The following NEK11 variants were observed in gnomAD, a reference collection of about 807,000 sequenced individuals.
The protein encoded by NEK11 is serine/threonine-protein kinase Nek11.
A neutral mutation model predicts 80.7 loss-of-function variants in NEK11; 72 were observed. That is an observed-to-expected ratio of 0.89 (90% CI 0.74 to 1.08). The LOEUF (loss-of-function observed/expected upper bound fraction) is 1.08, where lower values mean the gene tolerates loss of function less well. Among genes scored for constraint, NEK11 ranks in the 50% least tolerant of loss-of-function variants. The probability of loss-of-function intolerance (pLI) is 0.00; values close to 1 mark genes in which losing one functional copy is unlikely to be tolerated. For missense variants in NEK11, 764 were observed against 763.6 expected (o/e 1.00, Z -0.01); for synonymous variants, 251 against 260.7 (o/e 0.96, Z 0.36).
chr3:131,230,638 C>T (rs1012950947), intron 15 of NEK11, among the ~76,000 whole-genome samples: 64 of 152,070 alleles, frequency 4.2e-4, no homozygotes, highest in African/African-American at 1.5e-3. Flanking sequence ...AAAATTCCTT[C>T]TTATTAGTCT....
chr3:131,106,496 A>T (rs1401386193), intron 4 of NEK11, among the ~76,000 whole-genome samples: 1 of 152,158 alleles, frequency 6.6e-6, no homozygotes, highest in African/African-American at 2.4e-5. Context: ...TAGAGATAAC[A>T]TGAACTTATT....
intron 16 of NEK11, among the ~76,000 whole-genome samples, chr3:131,252,634 G>A (rs2095729840): frequency 6.6e-6 from 1 of 152,062 alleles, no homozygotes; most frequent in African/African-American, 2.4e-5. Context: ...CTCCTTTATA[G>A]CATCAAGGTC....
chr3:131,254,415 G>A (rs568744174), intron 16 of NEK11, among the ~76,000 whole-genome samples: 2 of 152,298 alleles, frequency 1.3e-5, no homozygotes, highest in East Asian at 3.9e-4. Flanking sequence ...GCTTAAGCAA[G>A]GGAAGTTTCT....
chr3:131,129,554 A>G (rs1016166621), intron 5 of NEK11, among the ~76,000 whole-genome samples: 8 of 152,180 alleles, frequency 5.3e-5, no homozygotes, highest in Non-Finnish European at 1.2e-4. Flanking sequence ...ATTTTATCAC[A>G]TATTATTTTC....
chr3:131,062,527 T>C (rs1355584534), intron 3 of NEK11, among the ~76,000 whole-genome samples: 1 of 152,188 alleles, frequency 6.6e-6, no homozygotes, highest in Non-Finnish European at 1.5e-5. Context: ...CCACCAGAAA[T>C]AAAATATAGA....
At chr3:131,251,827 C>A (rs1246089700) in intron 16 of NEK11, among the ~76,000 whole-genome samples, 2 of 152,052 alleles carry the variant, frequency 1.3e-5, no homozygotes, top group African/African-American at 4.8e-5. Context: ...AATGCTGCTG[C>A]TGAAATGGAA....
intron 16 of NEK11, among the ~76,000 whole-genome samples, chr3:131,251,264 G>T (rs1196739773): frequency 6.6e-6 from 1 of 151,040 alleles, no homozygotes; most frequent in Non-Finnish European, 1.5e-5. Flanking sequence ...GAACTTGAAG[G>T]TGAGGCAGGA....
rs1581180977 is a variant in NEK11, at chr3:131,270,250, T to C, written c.1622-3228T>C. Among the ~76,000 whole-genome samples, 3 of 152,350 alleles carry C rather than the reference T, an allele frequency of 2.0e-5. No homozygotes were observed. In the South Asian group the frequency reaches 6.2e-4, roughly 32 times the overall value. ...CTCTTGTTTCTTGAACAAGGATTTCTGCGTTGTCATTTAGCACTGGGCCCC... is the reference window on the plus strand; with the variant it reads ...CTCTTGTTTCTTGAACAAGGATTTCCGCGTTGTCATTTAGCACTGGGCCCC... On this transcript the variant is annotated intron_variant, in intron 16 of 17. Transcript: ENST00000383366.
chr3:131,095,731 T>A (rs1186236186), intron 4 of NEK11, among the ~76,000 whole-genome samples: 1 of 152,166 alleles, frequency 6.6e-6, no homozygotes, highest in African/African-American at 2.4e-5. Context: ...TAGTTTAACA[T>A]CTCTCTTTTT....
At chr3:131,342,934 T>C (rs368608497) in intron 17 of NEK11, among the ~76,000 whole-genome samples, 25 of 152,274 alleles carry the variant, frequency 1.6e-4, no homozygotes, top group Middle Eastern at 3.4e-3. Context: ...AAAAAATATA[T>C]GTATACAAAG....
At chr3:131,041,740 T>G (rs1443612385) in intron 3 of NEK11, among the ~76,000 whole-genome samples, 2 of 152,174 alleles carry the variant, frequency 1.3e-5, no homozygotes, top group East Asian at 3.9e-4. Context: ...GGACATGAAC[T>G]CAGTATTGAG....
At chr3:131,268,532 C>G (rs572977188) in intron 16 of NEK11, among the ~76,000 whole-genome samples, 1 of 152,356 alleles carries the variant, frequency 6.6e-6, no homozygotes, top group African/African-American at 2.4e-5. Flanking sequence ...GACCCCTCTG[C>G]TGCAGGTCTG....
At chr3:131,274,411 A>G (rs1366116880) in intron 17 of NEK11, among the ~76,000 whole-genome samples, 1 of 145,998 alleles carries the variant, frequency 6.8e-6, no homozygotes, top group Non-Finnish European at 1.5e-5. Context: ...TAGTGCCACA[A>G]TAAACATACG....
intron 3 of NEK11, among the ~76,000 whole-genome samples, chr3:131,039,119 T>C (rs2066069030): frequency 6.6e-6 from 1 of 152,228 alleles, no homozygotes; most frequent in African/African-American, 2.4e-5. Context: ...TAAAGTATTT[T>C]AGGATGAGTG....
At chr3:131,182,247 T>C (rs1159556676) in intron 14 of NEK11, among the ~76,000 whole-genome samples, 1 of 152,118 alleles carries the variant, frequency 6.6e-6, no homozygotes, top group Admixed American at 6.6e-5. Context: ...CTGACTTCTC[T>C]TTTTCTCTTG....
intron 7 of NEK11, among the ~76,000 whole-genome samples, chr3:131,147,382 G>A (rs1318046112): frequency 2.6e-5 from 4 of 151,996 alleles, no homozygotes; most frequent in Non-Finnish European, 5.9e-5. Flanking sequence ...TTAAATATGT[G>A]TGAATCTGTT....
chr3:131,253,408 G>A (rs987102942), intron 16 of NEK11, among the ~76,000 whole-genome samples: 1 of 151,986 alleles, frequency 6.6e-6, no homozygotes, highest in African/African-American at 2.4e-5. Flanking sequence ...GAAATGAAAA[G>A]GGAACAGAAA....
chr3:131,232,305 T>A (rs1242491219), intron 15 of NEK11, among the ~76,000 whole-genome samples: 1 of 152,206 alleles, frequency 6.6e-6, no homozygotes, highest in African/African-American at 2.4e-5. Flanking sequence ...GGACATGGCT[T>A]AGGGCTACAG....
intron 3 of NEK11, among the ~76,000 whole-genome samples, chr3:131,039,176 GT>G (rs72327932): frequency 3.3e-5 from 5 of 151,804 alleles, no homozygotes; most frequent in East Asian, 1.9e-4. Flanking sequence ...TACCTTGTAG[GT>G]TTTTTTTCCT....
Sources: allele counts gnomAD v4.1 joint callset (sites outside exome capture counted in the v4.1 genomes callset), GRCh38; gene constraint gnomAD v4.1.1; transcripts MANE v1.5; gene names NCBI Gene and HGNC (gene_info 2026-07-23, HGNC 2026-07-21).